LAMA4: variants seen among roughly 807,000 people sequenced by gnomAD.
LAMA4 encodes laminin subunit alpha-4.
In LAMA4, 127 loss-of-function variants were observed where a neutral mutation model predicts 207.1. That is an observed-to-expected ratio of 0.61 (90% CI 0.53 to 0.71). The LOEUF (loss-of-function observed/expected upper bound fraction) is 0.71. Ranked by LOEUF, LAMA4 falls within the 30% of genes least tolerant of loss-of-function variation. The pLI is 0.00. For missense variants in LAMA4, 2,093 were observed against 2,246.5 expected (o/e 0.93, Z 1.38); for synonymous variants, 761 against 816.0 (o/e 0.93, Z 1.15).
At chr6:112,253,407 T>A (rs1283430585) in intron 2 of LAMA4, 2 of 286,680 alleles carry the variant, frequency 7.0e-6, no homozygotes, top group South Asian at 7.6e-5. Flanking sequence ...TGGAATACAA[T>A]GGCTCGTTTC....
Position 112,230,586 on chromosome 6 carries a change from T to C in LAMA4, c.196-14117A>G, listed in dbSNP as rs917931519. Among the ~76,000 whole-genome samples the C allele has an allele frequency of 5.9e-5, 9 of 152,394 alleles. No homozygotes were observed. In the Middle Eastern group the frequency reaches 0.01, roughly 173 times the overall value. ...AAATTGTTCTGTAACTATTAGTTTC[T>C]TCTCTTCTTTTTGGACTTGTCTGTA... is the stretch of plus-strand genomic sequence containing the variant. On this transcript the variant is annotated intron_variant, in intron 2 of 38. Transcript: ENST00000230538.
chr6:112,151,099 G>A (rs1465186991), intron 16 of LAMA4, among the ~76,000 whole-genome samples: 1 of 150,184 alleles, frequency 6.7e-6, no homozygotes, highest in Non-Finnish European at 1.5e-5. Context: ...TTCACAAAAT[G>A]AACACAAAAC....
chr6:112,129,107 T>TA (rs782179221), intron 30 of LAMA4, 32 bp from the exon 31 acceptor site: 10 of 1,569,402 alleles, frequency 6.4e-6, no homozygotes, highest in Non-Finnish European at 8.8e-6. Flanking sequence ...AAATAAATAT[T>TA]AAAAATATTG....
At chr6:112,214,052 GGTCTTCTCC>G (rs1554357754) in intron 3 of LAMA4, 1 of 761,968 alleles carries the variant, frequency 1.3e-6, no homozygotes, top group Non-Finnish European at 2.4e-6. Flanking sequence ...GAAAAACCTG[GGTCTTCTCC>G]GTCAGTAGTC....
In LAMA4 at chr6:112,141,264, G is replaced by T. The variant is rs1583695145; in HGVS notation, c.2813+94C>A. ...TATTTATAACATCCACAGGAAGACT[G>T]TGTATGTGTGTGTGTGTGTGCACGC... On this transcript the variant is annotated intron_variant, in intron 21 of 38. Transcript: ENST00000230538. 13 of 1,135,542 alleles carry T rather than the reference G, an allele frequency of 1.1e-5. No homozygotes were observed. In the East Asian group the frequency reaches 2.6e-4, roughly 23 times the overall value. The allele number at this position is 1,135,542 out of a possible 1,614,324, so 70.3% of individuals were successfully genotyped here.
At chr6:112,206,430 TG>T (rs1554354263) in intron 4 of LAMA4, among the ~76,000 whole-genome samples, 1 of 152,238 alleles carries the variant, frequency 6.6e-6, no homozygotes, top group Non-Finnish European at 1.5e-5. Context: ...AAATGGCCAT[TG>T]ATGACTTAAT....
intron 33 of LAMA4, 50 bp downstream of exon 33, chr6:112,120,233 T>C: frequency 1.4e-6 from 2 of 1,454,256 alleles, no homozygotes; most frequent in Non-Finnish European, 1.9e-6. Flanking sequence ...AGTGTCCATT[T>C]GACAATGGTA....
intron 3 of LAMA4, among the ~76,000 whole-genome samples, chr6:112,209,558 T>G (rs76842206): frequency 0.028 from 4,325 of 152,316 alleles, 85 homozygotes; most frequent in Middle Eastern, 0.071. Context: ...GACAGAGTGC[T>G]GGAGGCAGGG....
In LAMA4 at chr6:112,177,677, T is replaced by C. The variant is rs531907736; in HGVS notation, c.1189+444A>G. Among the ~76,000 whole-genome samples the C allele has an allele frequency of 5.0e-4, 76 of 152,342 alleles. 1 individual carries two copies. The South Asian group carries it at 0.013, about 26-fold the overall frequency. On this transcript the variant is annotated intron_variant, in intron 10 of 38. Transcript: ENST00000230538. Reference sequence around the variant, plus strand: ...CTTCTGGGTTGGGGCCCAAGCATGTTGCCTGATTGGCCTTTGGGAAAGCCC... The same window carrying C: ...CTTCTGGGTTGGGGCCCAAGCATGTCGCCTGATTGGCCTTTGGGAAAGCCC...
intron 4 of LAMA4, among the ~76,000 whole-genome samples, chr6:112,206,384 T>A (rs1246257942): frequency 2.0e-5 from 3 of 152,214 alleles, no homozygotes; most frequent in African/African-American, 7.2e-5. Flanking sequence ...TCACTATACC[T>A]CTTAAATTCC....
chr6:112,200,198 A>G (rs1554351767), intron 5 of LAMA4: 1 of 528,346 alleles, frequency 1.9e-6, no homozygotes, highest in Non-Finnish European at 3.9e-6. Context: ...AGCAAAGCCC[A>G]GAGCAGTTTA....
chr6:112,201,620 G>A lies in LAMA4; in HGVS notation c.491C>T (p.Pro164Leu), dbSNP rs1554352426. The A allele has an allele frequency of 6.2e-7, 1 of 1,613,552 alleles. No homozygotes were observed. Among genetic ancestry groups the A allele is most frequent in the Non-Finnish European group, 8.5e-7 (1 of 1,179,546 alleles). The change falls in exon 5 of 39, where the codon CCT (proline) becomes CTT (leucine). Residue 164 changes from proline (P) to leucine (L), a missense_variant. Transcript: ENST00000230538. ...RCICNENYAG[P>L]NCERCAPGYY... ...TTTATTGGCTTACCTTTCACAGTTA[G>A]GTCCAGCATAATTTTCGTTACAAAT...
rs782769447 is a variant in LAMA4, at chr6:112,109,458, G to T, written c.5451C>A (p.Ile1817=). 6.2e-7 allele frequency: 1 copy of T among 1,614,034 alleles called. No homozygotes were observed. The highest frequency in any genetic ancestry group is 2.2e-5 in the East Asian group (1 of 44,886). The change falls in exon 39 of 39, where the codon ATC becomes ATA. Residue 1817 remains isoleucine, a synonymous_variant. Transcript: ENST00000230538. ...CATGTCAGGCTGCTGGACAGGAGTTGATGCTTACGGCGCCGCTGACCAGGG... is the reference window on the plus strand; with the variant it reads ...CATGTCAGGCTGCTGGACAGGAGTTTATGCTTACGGCGCCGCTGACCAGGG... The part of the protein sequence containing the change: ...KAALVSGAVS[I]NSCPAA
rs1783753754 is a variant in LAMA4, at chr6:112,201,652, A to G, written c.459T>C (p.Val153=). The change falls in exon 5 of 39, where the codon GTT becomes GTC. Residue 153 remains valine (V), a synonymous_variant. Transcript: ENST00000230538. The part of the protein sequence containing the change: ...AESCYRKNGA[V]RCICNENYAG... ...CATAATTTTCGTTACAAATGCACCG[A>G]ACAGCTCCATTTTTCCTATAGCAGG... 5 of 1,613,858 alleles carry G rather than the reference A, an allele frequency of 3.1e-6. No individual in the cohort carries two copies. Among genetic ancestry groups the G allele is most frequent in the Non-Finnish European group, 3.4e-6 (4 of 1,179,872 alleles).
At chr6:112,203,985 T>C (rs1174012672) in intron 4 of LAMA4, among the ~76,000 whole-genome samples, 3 of 152,184 alleles carry the variant, frequency 2.0e-5, no homozygotes, top group African/African-American at 4.8e-5. Flanking sequence ...GGAAACTGTT[T>C]CCTCTTTCAG....
chr6:112,129,836 TATCA>T, intron 30 of LAMA4, 36 bp downstream of exon 30: 1 of 1,423,754 alleles, frequency 7.0e-7, no homozygotes, highest in Non-Finnish European at 9.7e-7. Flanking sequence ...TGATTTTATT[TATCA>T]ATCATGCAGA....
At chr6:112,156,972 G>A (rs1780755367) in intron 14 of LAMA4, among the ~76,000 whole-genome samples, 1 of 151,548 alleles carries the variant, frequency 6.6e-6, no homozygotes. Context: ...CAATAATAAT[G>A]GTATTAATCT....
intron 2 of LAMA4, among the ~76,000 whole-genome samples, chr6:112,229,310 C>G (rs1459149571): frequency 6.6e-6 from 1 of 152,144 alleles, no homozygotes; most frequent in African/African-American, 2.4e-5. Context: ...ATCTCCCTTG[C>G]TTTCCTCTCC....
intron 2 of LAMA4, among the ~76,000 whole-genome samples, chr6:112,241,222 A>G (rs1467349864): frequency 7.8e-6 from 1 of 128,070 alleles, no homozygotes; most frequent in African/African-American, 2.6e-5. Flanking sequence ...ATGTATATAT[A>G]TGATATATAT....
Sources: gnomAD v4.1 joint callset for allele counts (sites outside exome capture counted in the v4.1 genomes callset) on GRCh38, gnomAD v4.1.1 for gene constraint, MANE v1.5 for transcripts, NCBI Gene and HGNC (gene_info 2026-07-23, HGNC 2026-07-21) for gene names.